ADGRF3: variants seen among roughly 807,000 people sequenced by gnomAD.
ADGRF3 encodes G protein-coupled receptor 113.
A neutral mutation model predicts 93.2 loss-of-function variants in ADGRF3; 85 were observed. The ratio of observed to expected loss-of-function variants is 0.91; its 90% CI spans 0.77 to 1.09. The LOEUF is 1.09. Among genes scored for constraint, ADGRF3 ranks in the 50% least tolerant of loss-of-function variants. ADGRF3 has a pLI of 0.00. For synonymous variants in ADGRF3, 534 were observed against 532.5 expected, an observed-to-expected ratio of 1.00 and a Z score of -0.04; for missense variants, 1,125 against 1,246.2, an observed-to-expected ratio of 0.90 and a Z score of 1.46.
chr2:26,323,453 A>G (rs1401523512), intron 1 of ADGRF3, among the ~76,000 whole-genome samples: 2 of 152,146 alleles, frequency 1.3e-5, no homozygotes, highest in Non-Finnish European at 2.9e-5. Flanking sequence ...GCTGCTAGTA[A>G]GCAGTGCTCC....
At chr2:26,325,699 C>T (rs1338407493) in intron 1 of ADGRF3, among the ~76,000 whole-genome samples, 1 of 152,162 alleles carries the variant, frequency 6.6e-6, no homozygotes, top group Non-Finnish European at 1.5e-5. Flanking sequence ...TGGAGAAGAA[C>T]TGTTTCTTCT....
intron 8 of ADGRF3, 48 bp from the exon 9 acceptor site, chr2:26,313,170 G>T (rs1674345283): frequency 1.2e-6 from 2 of 1,602,290 alleles, no homozygotes; most frequent in Non-Finnish European, 1.7e-6. Flanking sequence ...TGGAATGATG[G>T]TTTGAGAAGA....
At chr2:26,321,666 C>T (rs914340071) in intron 1 of ADGRF3, among the ~76,000 whole-genome samples, 10 of 151,942 alleles carry the variant, frequency 6.6e-5, no homozygotes, top group African/African-American at 1.5e-4. Context: ...GAAGGAACTC[C>T]GAGGACATTA....
At chr2:26,332,240 AT>A (rs995656507) in intron 1 of ADGRF3, among the ~76,000 whole-genome samples, 1 of 152,214 alleles carries the variant, frequency 6.6e-6, no homozygotes, top group Non-Finnish European at 1.5e-5. Context: ...GGGAAACACA[AT>A]TAAAAGTACA....
chr2:26,341,321 T>C (rs1574737062), intron 1 of ADGRF3, among the ~76,000 whole-genome samples: 1 of 152,104 alleles, frequency 6.6e-6, no homozygotes, highest in Non-Finnish European at 1.5e-5. Flanking sequence ...GAGGTTGCGG[T>C]TAGCCAAGAT....
At chr2:26,318,176 C>G in intron 1 of ADGRF3, 3 of 1,184,934 alleles carry the variant, frequency 2.5e-6, no homozygotes, top group Non-Finnish European at 3.5e-6. Context: ...CATGGCAGTC[C>G]TTCCTCCAGG....
chr2:26,346,111 G>T lies in ADGRF3; in HGVS notation c.114+10C>A, dbSNP rs551629593. 2.9e-4 allele frequency: 450 copies of T among 1,572,464 alleles called. 3 individuals carry two copies. The South Asian group carries it at 4.9e-3, about 17-fold the overall frequency. ...ACGCGTGCGCGGTGGGCGGAGCGCG[G>T]CTCTCCTACCTTCTCGGGCAGCCCA... is the stretch of plus-strand genomic sequence containing the variant. On this transcript the variant is annotated intron_variant, in intron 1 of 13. Transcript: ENST00000651242.
chr2:26,313,574 C>T lies in ADGRF3; in HGVS notation c.1073-1G>A. 1.2e-6 allele frequency: 2 copies of T among 1,603,422 alleles called. No homozygotes were observed. The highest frequency in any genetic ancestry group is 1.7e-6 in the Non-Finnish European group (2 of 1,176,660). ...TCCTCAGGGCAGGTGATGTCTCCAT[C>T]TGAAGAATGACGAGCAGGCGCTACT... On this transcript the variant is annotated splice_acceptor_variant, in intron 7 of 13. Transcript: ENST00000651242. LOFTEE classifies it high-confidence loss of function.
chr2:26,317,123 C>T, intron 2 of ADGRF3, 68 bp from the exon 3 acceptor site: 3 of 1,508,582 alleles, frequency 2.0e-6, no homozygotes, highest in Middle Eastern at 2.0e-4. Flanking sequence ...CCTCTGGATT[C>T]TCTCACCTAG....
At chr2:26,319,574 C>A (rs1675001600) in intron 1 of ADGRF3, among the ~76,000 whole-genome samples, 1 of 51,056 alleles carries the variant, frequency 2.0e-5, no homozygotes, top group Non-Finnish European at 3.9e-5. Context: ...TCCCTTCCTT[C>A]CTTCCTTCCT....
At position 26,346,402 on chromosome 2, in the gene ADGRF3, G is replaced by A; in HGVS notation, c.-168C>T. On this transcript the variant is annotated 5_prime_UTR_variant, in exon 1 of 14. It introduces an in-frame stop codon into an upstream open reading frame of the 5' UTR. Transcript: ENST00000651242. Reference sequence around the variant, plus strand: ...TGTGCCGCGTGGCTCCGGGCGGGCTGGCGGGCGTTCCTCCGGAGGTCCTGC... The same window carrying A: ...TGTGCCGCGTGGCTCCGGGCGGGCTAGCGGGCGTTCCTCCGGAGGTCCTGC... The A allele has an allele frequency of 7.6e-7, 1 of 1,321,594 alleles. No individual in the cohort carries two copies. Among genetic ancestry groups the A allele is most frequent in the Admixed American group, 3.1e-5 (1 of 32,560 alleles). 81.9% of individuals were successfully genotyped at this position (1,321,594 alleles called of 1,614,324 possible). A position where few individuals can be genotyped will look rare whatever the true frequency, so the allele number is the denominator to read the frequency against.
intron 1 of ADGRF3, among the ~76,000 whole-genome samples, chr2:26,336,822 G>A (rs10189228): frequency 0.96 from 144,934 of 151,644 alleles, 69,291 homozygotes; most frequent in South Asian, 0.99. Flanking sequence ...GACAACCCCA[G>A]TAAGTTATGT....
intron 1 of ADGRF3, among the ~76,000 whole-genome samples, chr2:26,339,670 C>G (rs148813472): frequency 3.5e-4 from 53 of 152,242 alleles, no homozygotes; most frequent in Admixed American, 3.3e-3. Flanking sequence ...ATGGTATATA[C>G]TCCCTTCACA....
chr2:26,328,251 A>G lies in ADGRF3; in HGVS notation c.115-10689T>C, dbSNP rs947239122. Among the ~76,000 whole-genome samples, 3 of 135,206 alleles carry G rather than the reference A, an allele frequency of 2.2e-5. No individual in the cohort carries two copies. In the Admixed American group the frequency reaches 2.2e-4, roughly 10 times the overall value. 88.7% of individuals were successfully genotyped at this position (135,206 alleles called of 152,430 possible). Reference sequence around the variant, plus strand: ...TATCATTTTTCCTTGGCTGCTTTCAAGATTTTTTCTTTGACTTTAGTTTTT... The same window carrying G: ...TATCATTTTTCCTTGGCTGCTTTCAGGATTTTTTCTTTGACTTTAGTTTTT... On this transcript the variant is annotated intron_variant, in intron 1 of 13. Coordinates refer to ENST00000651242, the MANE Select transcript of ADGRF3 (RefSeq NM_001321971.2).
chr2:26,328,844 TC>T (rs1235949283), intron 1 of ADGRF3, among the ~76,000 whole-genome samples: 1 of 152,244 alleles, frequency 6.6e-6, no homozygotes, highest in Non-Finnish European at 1.5e-5. Context: ...TTTCTATTGA[TC>T]TATCTTCAAG....
In ADGRF3 at chr2:26,313,543, G is replaced by A. The variant is rs770751881; in HGVS notation, c.1103C>T (p.Ser368Leu). Residue 368 changes from serine to leucine, a missense_variant, in exon 8 of 14, where the codon TCG becomes TTG. Transcript: ENST00000651242. Reference protein sequence around the residue: ...DGDITCPEDASVLTWNVTKAG... With the variant: ...DGDITCPEDALVLTWNVTKAG... Reference sequence around the variant, plus strand: ...CTTGGTGACATTCCAGGTGAGCACCGAGGCGTCCTCAGGGCAGGTGATGTC... The same window carrying A: ...CTTGGTGACATTCCAGGTGAGCACCAAGGCGTCCTCAGGGCAGGTGATGTC... 107 of 1,609,112 alleles carry A rather than the reference G, an allele frequency of 6.6e-5. No individual in the cohort carries two copies. The highest frequency in any genetic ancestry group is 7.9e-5 in the Non-Finnish European group (93 of 1,179,088).
In ADGRF3 at chr2:26,309,079, G is replaced by C. The variant is rs1207688291; in HGVS notation, c.*7C>G. 6.2e-7 allele frequency: 1 copy of C among 1,613,902 alleles called. No individual in the cohort carries two copies. The highest frequency in any genetic ancestry group is 1.1e-5 in the South Asian group (1 of 91,090). ...CTCCCTTGCAGGAACATGGGTCCGT[G>C]TGTGGTTCACTCTGAAGCATCTGTC... is the stretch of plus-strand genomic sequence containing the variant. On this transcript the variant is annotated 3_prime_UTR_variant, in exon 14 of 14. Transcript: ENST00000651242.
chr2:26,320,048 A>T (rs1675061092), intron 1 of ADGRF3, among the ~76,000 whole-genome samples: 1 of 152,254 alleles, frequency 6.6e-6, no homozygotes, highest in Non-Finnish European at 1.5e-5. Context: ...CTGAGAAGCC[A>T]AAAAGGAAAT....
chr2:26,328,446 C>A (rs1476036432), intron 1 of ADGRF3, among the ~76,000 whole-genome samples: 1 of 142,660 alleles, frequency 7.0e-6, no homozygotes, highest in South Asian at 2.2e-4. Context: ...AACTATTAGG[C>A]CTTTTTAGTT....
Sources: gnomAD v4.1 joint callset for allele counts (sites outside exome capture counted in the v4.1 genomes callset) on GRCh38, gnomAD v4.1.1 for gene constraint, MANE v1.5 for transcripts, NCBI Gene and HGNC (gene_info 2026-07-23, HGNC 2026-07-21) for gene names.